IQCM: variants seen among roughly 807,000 people sequenced by gnomAD.
The protein encoded by IQCM is IQ motif containing M, also known as IQ domain-containing protein M.
A neutral mutation model predicts 57.6 loss-of-function variants in IQCM; 45 were observed. That is an observed-to-expected ratio of 0.78 (90% CI 0.62 to 1.00). IQCM has a LOEUF of 1.00. IQCM is among the 50% of genes least tolerant of loss of function. IQCM has a pLI of 0.00. For synonymous variants in IQCM, 148 were observed against 158.9 expected (o/e 0.93, Z 0.51); for missense variants, 468 against 511.6 (o/e 0.91, Z 0.82).
In IQCM at chr4:149,612,527, T is replaced by C. The variant is rs80140412; in HGVS notation, c.681+8602A>G. ...TATGTTCATTTTCAAAGGAGCAAGATGGATCACAAAGAAATGAAATGACTT... is the reference window on the plus strand; with the variant it reads ...TATGTTCATTTTCAAAGGAGCAAGACGGATCACAAAGAAATGAAATGACTT... On this transcript the variant is annotated intron_variant, in intron 8 of 13. Coordinates refer to ENST00000636793, the MANE Select transcript of IQCM (RefSeq NM_001363507.2). Among the ~76,000 whole-genome samples, 966 of 152,218 alleles carry C rather than the reference T, an allele frequency of 6.3e-3. 8 individuals are homozygous for C. Among genetic ancestry groups the C allele is most frequent in the Non-Finnish European group, 9.8e-3 (664 of 67,990 alleles).
intron 10 of IQCM, among the ~76,000 whole-genome samples, chr4:149,557,071 G>A (rs1354340230): frequency 2.0e-5 from 3 of 152,090 alleles, no homozygotes; most frequent in African/African-American, 7.2e-5. Flanking sequence ...TTAAATAGCA[G>A]CTCCTGATTG....
In IQCM at chr4:149,433,479, C is replaced by T. The variant is rs1735059371; in HGVS notation, c.1307G>A (p.Gly436Asp). The change falls in exon 13 of 14, where the codon GGT becomes GAT. Residue 436 changes from glycine (G) to aspartate (D), a missense_variant. Physicochemically the swap from Gly to Asp is moderately conservative, Grantham distance 94. Transcript: ENST00000636793. The part of the protein sequence containing the change: ...EMLFTLYPPE[G>D]AHVPDSTLLK... ...TAGTGTACTGTCAGGCACATGTGCA[C>T]CTTCAGGAGGATAGAGTGTAAATAA... is the stretch of plus-strand genomic sequence containing the variant. 2 of 1,215,902 alleles carry T rather than the reference C, an allele frequency of 1.6e-6. No individual in the cohort carries two copies. Among genetic ancestry groups the T allele is most frequent in the African/African-American group, 1.6e-5 (1 of 63,994 alleles). The allele number at this position is 1,215,902 out of a possible 1,614,324, so 75.3% of individuals were successfully genotyped here.
chr4:149,513,390 T>A (rs1222023211), intron 12 of IQCM, among the ~76,000 whole-genome samples: 1 of 151,860 alleles, frequency 6.6e-6, no homozygotes, highest in Non-Finnish European at 1.5e-5. Context: ...TATACAAAAC[T>A]AATATTCCCT....
At chr4:149,671,377 T>C (rs1761266865) in intron 7 of IQCM, among the ~76,000 whole-genome samples, 1 of 152,194 alleles carries the variant, frequency 6.6e-6, no homozygotes, top group African/African-American at 2.4e-5. Context: ...TTCTCTTCTT[T>C]ATTAGTCTTG....
chr4:149,388,262 G>A (rs1490100989), intron 13 of IQCM, among the ~76,000 whole-genome samples: 1 of 151,588 alleles, frequency 6.6e-6, no homozygotes, highest in Non-Finnish European at 1.5e-5. Flanking sequence ...AGTACAAACT[G>A]TTTTCCAAAT....
chr4:149,689,878 G>C (rs1311388053), intron 5 of IQCM, among the ~76,000 whole-genome samples: 1 of 151,940 alleles, frequency 6.6e-6, no homozygotes, highest in African/African-American at 2.4e-5. Flanking sequence ...ACCACAATGT[G>C]AAAGAACAGC....
At chr4:149,684,157 G>A (rs1277499050) in intron 6 of IQCM, among the ~76,000 whole-genome samples, 2 of 151,286 alleles carry the variant, frequency 1.3e-5, no homozygotes, top group African/African-American at 4.8e-5. Context: ...TCATCATAAA[G>A]AGTATTTTAA....
At chr4:149,668,608 T>C (rs1221377201) in intron 7 of IQCM, among the ~76,000 whole-genome samples, 1 of 152,128 alleles carries the variant, frequency 6.6e-6, no homozygotes, top group African/African-American at 2.4e-5. Flanking sequence ...TGTATACATA[T>C]ATAACAAACC....
At chr4:149,503,456 G>A (rs559278282) in intron 12 of IQCM, among the ~76,000 whole-genome samples, 12 of 152,086 alleles carry the variant, frequency 7.9e-5, no homozygotes, top group Admixed American at 7.9e-4. Context: ...CAAAATCAAA[G>A]TGGCTCCAGA....
intron 2 of IQCM, among the ~76,000 whole-genome samples, chr4:149,773,149 A>T (rs1045629440): frequency 1.7e-4 from 26 of 152,208 alleles, no homozygotes; most frequent in African/African-American, 6.0e-4. Flanking sequence ...CAGGAGATCC[A>T]GACCATCCTG....
chr4:149,423,596 C>T (rs751601768), intron 13 of IQCM, among the ~76,000 whole-genome samples: 5 of 151,998 alleles, frequency 3.3e-5, no homozygotes, highest in Non-Finnish European at 5.9e-5. Context: ...TTTAGCTTTC[C>T]TCTCAACATT....
chr4:149,681,818 T>C lies in IQCM; in HGVS notation c.565+300A>G, dbSNP rs1049547974. Reference sequence around the variant, plus strand: ...TCTTTTAAAGAATTGTATGTATTTTTTAAAAACAACAATAACTCAACTGTA... The same window carrying C: ...TCTTTTAAAGAATTGTATGTATTTTCTAAAAACAACAATAACTCAACTGTA... On this transcript the variant is annotated intron_variant, in intron 7 of 13. Transcript: ENST00000636793. Among the ~76,000 whole-genome samples, 9 of 151,370 alleles carry C rather than the reference T, an allele frequency of 5.9e-5. No individual in the cohort carries two copies. The East Asian group carries it at 1.7e-3, about 29-fold the overall frequency.
chr4:149,728,513 G>A (rs1188067242), intron 5 of IQCM, among the ~76,000 whole-genome samples: 2 of 152,258 alleles, frequency 1.3e-5, no homozygotes, highest in South Asian at 4.2e-4. Flanking sequence ...CATATTAAAA[G>A]TACTATTACC....
chr4:149,748,904 A>T (rs1375325831), intron 2 of IQCM: 1 of 152,238 alleles, frequency 6.6e-6, no homozygotes, highest in Non-Finnish European at 1.5e-5. Context: ...AAGAACTTTT[A>T]CAAATCAATG....
At chr4:149,376,340 A>G (rs1311933810) in intron 13 of IQCM, among the ~76,000 whole-genome samples, 2 of 152,150 alleles carry the variant, frequency 1.3e-5, no homozygotes, top group Non-Finnish European at 2.9e-5. Flanking sequence ...AAAACTCCTT[A>G]CATGCCATCA....
intron 12 of IQCM, among the ~76,000 whole-genome samples, chr4:149,529,212 C>G (rs1394559068): frequency 6.6e-6 from 1 of 152,068 alleles, no homozygotes; most frequent in Non-Finnish European, 1.5e-5. Context: ...TACAAGCACA[C>G]ACCACAACAG....
At chr4:149,745,114 G>C (rs1169490172) in intron 2 of IQCM, among the ~76,000 whole-genome samples, 1 of 152,162 alleles carries the variant, frequency 6.6e-6, no homozygotes, top group Non-Finnish European at 1.5e-5. Flanking sequence ...CCAGTCCTGA[G>C]TGGATCAGAA....
At chr4:149,797,743 G>A (rs1223034299) in intron 2 of IQCM, among the ~76,000 whole-genome samples, 4 of 151,700 alleles carry the variant, frequency 2.6e-5, no homozygotes, top group African/African-American at 9.7e-5. Context: ...ACTTTTCAAT[G>A]GAAACCTGAC....
chr4:149,380,501 G>T (rs940612079), intron 13 of IQCM, among the ~76,000 whole-genome samples: 1 of 151,924 alleles, frequency 6.6e-6, no homozygotes, highest in Non-Finnish European at 1.5e-5. Context: ...TTATAATACT[G>T]GTGCTTCTAA....
Sources: gnomAD v4.1 joint callset for allele counts (sites outside exome capture counted in the v4.1 genomes callset) on GRCh38, gnomAD v4.1.1 for gene constraint, MANE v1.5 for transcripts, NCBI Gene and HGNC (gene_info 2026-07-23, HGNC 2026-07-21) for gene names.